TMEFF2: variants seen among roughly 807,000 people sequenced by gnomAD.
TMEFF2 encodes the protein transmembrane protein with EGF like and two follistatin like domains 2, also known as tomoregulin-2.
TMEFF2 carries 28 observed loss-of-function variants against 53.8 expected under a neutral mutation model. The ratio of observed to expected loss-of-function variants is 0.52; its 90% CI spans 0.39 to 0.71. TMEFF2 has a LOEUF of 0.71. Among genes scored for constraint, TMEFF2 ranks in the 30% least tolerant of loss-of-function variants. The pLI is 0.00. For missense variants in TMEFF2, 353 were observed against 455.2 expected, an observed-to-expected ratio of 0.78 and a Z score of 2.04; for synonymous variants, 162 against 166.3, an observed-to-expected ratio of 0.97 and a Z score of 0.20.
intron 9 of TMEFF2, 74 bp downstream of exon 9, chr2:191,953,605 C>T (rs374696429): frequency 2.1e-5 from 33 of 1,541,558 alleles, no homozygotes; most frequent in African/African-American, 1.5e-4. Flanking sequence ...GAACTCACCT[C>T]GGAGGGATCT....
intron 4 of TMEFF2, among the ~76,000 whole-genome samples, chr2:192,070,791 TGAG>T (rs1688277098): frequency 1.3e-5 from 2 of 151,810 alleles, no homozygotes; most frequent in Admixed American, 1.3e-4. Context: ...AAACCGAAGT[TGAG>T]GAGTCTGAGG....
intron 4 of TMEFF2, among the ~76,000 whole-genome samples, chr2:192,140,433 C>T (rs1436835049): frequency 5.3e-5 from 8 of 152,100 alleles, no homozygotes; most frequent in African/African-American, 9.7e-5. Context: ...ATGTGGTGTC[C>T]GCACCGAGGG....
Position 192,075,332 on chromosome 2 carries a change from T to TATATATACAC in TMEFF2, c.440-17558_440-17557insGTGTATATAT, listed in dbSNP as rs796267672. ...ATATATATATATATATATATATATATACATACATACTATGTATATCCTTGC... is the reference window on the plus strand; with the variant it reads ...ATATATATATATATATATATATATATATATATACACACATACATACTATGTATATCCTTGC... On this transcript the variant is annotated intron_variant, in intron 4 of 9. Coordinates refer to ENST00000272771, the MANE Select transcript of TMEFF2 (RefSeq NM_016192.4). 5.7e-4 allele frequency among the ~76,000 whole-genome samples: 50 copies of TATATATACAC among 88,142 alleles called. 1 individual carries two copies. The highest frequency in any genetic ancestry group is 1.8e-3 in the African/African-American group (45 of 24,410). 57.8% of individuals were successfully genotyped at this position (88,142 alleles called of 152,430 possible). A position where few individuals can be genotyped will look rare whatever the true frequency, so the allele number is the denominator to read the frequency against.
chr2:191,992,507 T>TC (rs1686130662), intron 7 of TMEFF2, among the ~76,000 whole-genome samples: 2 of 152,078 alleles, frequency 1.3e-5, no homozygotes, highest in South Asian at 2.1e-4. Context: ...TGTGTCCGGT[T>TC]CCGGCTCAGC....
chr2:192,075,308 T>TATATATAAATATAA (rs1688395411), intron 4 of TMEFF2, among the ~76,000 whole-genome samples: 1 of 67,946 alleles, frequency 1.5e-5, no homozygotes, highest in Non-Finnish European at 3.1e-5. Flanking sequence ...TATATATATA[T>TATATATAAATATAA]ATATATATAT....
intron 4 of TMEFF2, among the ~76,000 whole-genome samples, chr2:192,144,267 C>T (rs1690201200): frequency 6.6e-6 from 1 of 151,988 alleles, no homozygotes; most frequent in Non-Finnish European, 1.5e-5. Context: ...CCTCCTTTTT[C>T]TTTATTTTAA....
Position 192,132,793 on chromosome 2 carries a change from C to T in TMEFF2, c.439+46875G>A, listed in dbSNP as rs548131877. Among the ~76,000 whole-genome samples the T allele has an allele frequency of 5.5e-4, 84 of 152,292 alleles. 2 individuals are homozygous for T. The South Asian group carries it at 0.017, about 30-fold the overall frequency. On this transcript the variant is annotated intron_variant, in intron 4 of 9. Coordinates refer to ENST00000272771, the MANE Select transcript of TMEFF2 (RefSeq NM_016192.4). ...ATCTGTGCAGGACCTCGCTGAAAATCGGAGTGTTCAACTCACCTGGCAGCC... is the reference window on the plus strand; with the variant it reads ...ATCTGTGCAGGACCTCGCTGAAAATTGGAGTGTTCAACTCACCTGGCAGCC...
intron 7 of TMEFF2, among the ~76,000 whole-genome samples, chr2:191,976,364 A>G (rs905806677): frequency 2.0e-5 from 3 of 152,230 alleles, no homozygotes; most frequent in African/African-American, 7.2e-5. Flanking sequence ...TTTAGTTGTT[A>G]TTAGTCATTA....
intron 4 of TMEFF2, among the ~76,000 whole-genome samples, chr2:192,103,752 T>C (rs1045072814): frequency 3.3e-5 from 5 of 151,954 alleles, no homozygotes; most frequent in Non-Finnish European, 7.4e-5. Flanking sequence ...GGGTCATTAG[T>C]AGAATGAGAA....
At chr2:192,075,306 T>TATAAATATATATATATATAAATATAA (rs1436260413) in intron 4 of TMEFF2, among the ~76,000 whole-genome samples, 679 of 57,720 alleles carry the variant, frequency 0.012, 24 homozygotes, top group Non-Finnish European at 0.017. Flanking sequence ...TATATATATA[T>TATAAATATATATATATATAAATATAA]ATATATATAT....
chr2:192,050,098 C>G (rs1574326770), intron 5 of TMEFF2, among the ~76,000 whole-genome samples: 2 of 152,136 alleles, frequency 1.3e-5, no homozygotes, highest in South Asian at 4.1e-4. Flanking sequence ...AGTTTTGTTT[C>G]CTTTGTTCTG....
chr2:191,996,911 GT>G (rs1219291499), intron 7 of TMEFF2, among the ~76,000 whole-genome samples: 1 of 151,710 alleles, frequency 6.6e-6, no homozygotes, highest in African/African-American at 2.4e-5. Flanking sequence ...GTACTTGTGG[GT>G]TCAGTAAGCT....
intron 5 of TMEFF2, among the ~76,000 whole-genome samples, chr2:192,033,411 A>G (rs1032788791): frequency 3.3e-5 from 5 of 152,180 alleles, no homozygotes; most frequent in Non-Finnish European, 7.3e-5. Flanking sequence ...AGAAATTTGC[A>G]TAAGGCCACA....
Position 191,949,163 on chromosome 2 carries a change from C to CTTA in TMEFF2, c.*1145_*1147dup, listed in dbSNP as rs1691790144. 1 of 985,140 alleles carries CTTA rather than the reference C, an allele frequency of 1.0e-6. No homozygotes were observed. The highest frequency in any genetic ancestry group is 6.2e-5 in the Admixed American group (1 of 16,246). 61.0% of individuals were successfully genotyped at this position (985,140 alleles called of 1,614,324 possible). A position where few individuals can be genotyped will look rare whatever the true frequency, so the allele number is the denominator to read the frequency against. On this transcript the variant is annotated 3_prime_UTR_variant, in exon 10 of 10. Coordinates refer to ENST00000272771, the MANE Select transcript of TMEFF2 (RefSeq NM_016192.4). ...TCTTATTCCTTGAGAATTTTCACAG[C>CTTA]TTATTTTTTCCAGATCAAGTTGTGA...
At chr2:192,075,267 A>C (rs1209547926) in intron 4 of TMEFF2, among the ~76,000 whole-genome samples, 1 of 141,228 alleles carries the variant, frequency 7.1e-6, no homozygotes, top group Non-Finnish European at 1.5e-5. Context: ...TAATTATTAT[A>C]CCCAGAGTAC....
intron 2 of TMEFF2, among the ~76,000 whole-genome samples, chr2:192,185,144 G>T (rs1002169521): frequency 4.6e-5 from 7 of 151,924 alleles, no homozygotes; most frequent in African/African-American, 1.7e-4. Flanking sequence ...AAACTTTACC[G>T]ACTATTCCAA....
intron 5 of TMEFF2, among the ~76,000 whole-genome samples, chr2:192,003,926 T>TGGGGGGGG (rs767041385): frequency 1.0e-5 from 1 of 96,390 alleles, no homozygotes; most frequent in Non-Finnish European, 2.3e-5. Flanking sequence ...TGTGTGTGTG[T>TGGGGGGGG]GTGGGGGGGG....
intron 5 of TMEFF2, among the ~76,000 whole-genome samples, chr2:192,010,531 C>T (rs968506501): frequency 1.5e-5 from 2 of 136,368 alleles, no homozygotes; most frequent in Non-Finnish European, 3.3e-5. Context: ...ACTTTTTTTT[C>T]CCCCCACTGA....
At chr2:191,965,269 C>A (rs1692438015) in intron 7 of TMEFF2, among the ~76,000 whole-genome samples, 1 of 152,148 alleles carries the variant, frequency 6.6e-6, no homozygotes, top group Non-Finnish European at 1.5e-5. Context: ...TTATCCCAGG[C>A]ATATTTATCT....
Sources: gnomAD v4.1 joint callset for allele counts (sites outside exome capture counted in the v4.1 genomes callset) on GRCh38, gnomAD v4.1.1 for gene constraint, MANE v1.5 for transcripts, NCBI Gene and HGNC (gene_info 2026-07-23, HGNC 2026-07-21) for gene names.